Variants in CNDP1 observed in about 807,000 individuals in gnomAD.
The protein encoded by CNDP1 is beta-Ala-His dipeptidase.
CNDP1 carries 44 observed loss-of-function variants against 58.1 expected under a neutral mutation model. The ratio of observed to expected loss-of-function variants is 0.76; its 90% confidence interval spans 0.60 to 0.97. CNDP1 has a LOEUF of 0.97. Ranked by LOEUF, CNDP1 falls within the 50% of genes least tolerant of loss-of-function variation. The pLI, the probability that CNDP1 is intolerant of heterozygous loss-of-function variation, is 0.00. For missense variants in CNDP1, 616 were observed against 655.1 expected, an observed-to-expected ratio of 0.94 and a Z score of 0.65; for synonymous variants, 254 against 252.6, an observed-to-expected ratio of 1.01 and a Z score of -0.05.
chr18:74,539,550 G>T (rs1432732035), intron 1 of CNDP1, among the ~76,000 whole-genome samples: 12 of 152,186 alleles, frequency 7.9e-5, no homozygotes, highest in Admixed American at 7.9e-4. Flanking sequence ...TTCCCCACCT[G>T]CAGGATTCCT....
Position 74,576,918 on chromosome 18 carries a change from T to C in CNDP1, c.891T>C (p.Asp297=). 1.9e-6 allele frequency: 3 copies of C among 1,613,474 alleles called. No homozygotes were observed. The highest frequency in any genetic ancestry group is 2.5e-6 in the Non-Finnish European group (3 of 1,179,748). ...SGHILVPGIY[D]EVVPLTEEEI... is the part of the protein sequence containing the mutation. ...ATATCCTGGTCCCTGGAATCTATGA[T>C]GAAGTGGTTCCTCTTACAGAAGAGG... Residue 297 remains aspartate, a synonymous_variant, in exon 8 of 12, where the codon GAT becomes GAC. Coordinates refer to ENST00000358821, the MANE Select transcript of CNDP1 (RefSeq NM_032649.6).
intron 1 of CNDP1, among the ~76,000 whole-genome samples, chr18:74,544,132 G>A (rs145038949): frequency 0.013 from 2,001 of 152,168 alleles, 19 homozygotes; most frequent in Non-Finnish European, 0.021. Context: ...CACACCTGTA[G>A]TCCCAGCCAC....
chr18:74,540,535 C>T (rs1294014174), intron 1 of CNDP1, among the ~76,000 whole-genome samples: 1 of 152,148 alleles, frequency 6.6e-6, no homozygotes, highest in Non-Finnish European at 1.5e-5. Flanking sequence ...CTGTATGTGA[C>T]ATAAGAGGGA....
intron 4 of CNDP1, among the ~76,000 whole-genome samples, 164 bp downstream of exon 4, chr18:74,561,182 A>G (rs1981187533): frequency 6.6e-6 from 1 of 152,122 alleles, no homozygotes; most frequent in South Asian, 2.1e-4. Context: ...TGGGAAGCCA[A>G]GGTGGGTGGA....
In CNDP1 at chr18:74,586,467, TAA is replaced by T. The variant is rs1396747859; in HGVS notation, c.*1906_*1907del. On this transcript the variant is annotated 3_prime_UTR_variant, in exon 12 of 12. Coordinates refer to ENST00000358821, the MANE Select transcript of CNDP1 (RefSeq NM_032649.6). ...GAGTCTTCATGTTAGTCCATTAACA[TAA>T]GTTTATTATAAAATACACTGTAAGC... 1 of 152,224 alleles carries T rather than the reference TAA, an allele frequency of 6.6e-6. No individual in the cohort carries two copies. Among genetic ancestry groups the T allele is most frequent in the Non-Finnish European group, 1.5e-5 (1 of 68,040 alleles). The allele number at this position is 152,224 out of a possible 1,614,324, so 9.4% of individuals were successfully genotyped here. A position where few individuals can be genotyped will look rare whatever the true frequency, so the allele number is the denominator to read the frequency against.
At chr18:74,544,228 G>A (rs1330421053) in intron 1 of CNDP1, among the ~76,000 whole-genome samples, 4 of 152,136 alleles carry the variant, frequency 2.6e-5, no homozygotes, top group Admixed American at 6.5e-5. Flanking sequence ...CTCCAGCCTG[G>A]GCAACAGAGG....
rs891700721 is a variant in CNDP1 at position 74,585,725 on chromosome 18, T to A, written c.*1163T>A. ...AAACAAAGCAGAGGGCCAGGCGCGG[T>A]GGCTCATGCCCATAATCCCAGCACT... On this transcript the variant is annotated 3_prime_UTR_variant, in exon 12 of 12. Transcript: ENST00000358821. 6.6e-6 allele frequency: 1 copy of A among 152,146 alleles called. No homozygotes were observed. The highest frequency in any genetic ancestry group is 2.4e-5 in the African/African-American group (1 of 41,422). 9.4% of individuals were successfully genotyped at this position (152,146 alleles called of 1,614,324 possible).
intron 7 of CNDP1, among the ~76,000 whole-genome samples, chr18:74,574,247 T>C (rs1306881378): frequency 6.6e-6 from 1 of 152,256 alleles, no homozygotes; most frequent in Non-Finnish European, 1.5e-5. Context: ...GCGCCAGCTC[T>C]GTGAAATGCA....
Position 74,556,368 on chromosome 18 carries a change from C to T in CNDP1, c.55C>T (p.Leu19=). 1 of 1,614,140 alleles carries T rather than the reference C, an allele frequency of 6.2e-7. No individual in the cohort carries two copies. Among genetic ancestry groups the T allele is most frequent in the Non-Finnish European group, 8.5e-7 (1 of 1,180,034 alleles). The change falls in exon 2 of 12, where the codon CTG becomes TTG. Residue 19 remains leucine (L), a synonymous_variant. Transcript: ENST00000358821. ...GTCCCTGCTGGCTGTGCTGCTGCTGCTGCTGGAGCGCGGCATGTTCTCCTC... is the reference window on the plus strand; with the variant it reads ...GTCCCTGCTGGCTGTGCTGCTGCTGTTGCTGGAGCGCGGCATGTTCTCCTC... ...AASLLAVLLL[L]LERGMFSSPS... is the part of the protein sequence containing the mutation.
In CNDP1 at chr18:74,576,902, T is replaced by C; in HGVS notation, c.875T>C (p.Val292Ala). ...SLVDSSGHIL[V>A]PGIYDEVVPL... ...GTAGACTCGTCTGGTCATATCCTGG[T>C]CCCTGGAATCTATGATGAAGTGGTT... The change falls in exon 8 of 12, where the codon GTC (valine) becomes GCC (alanine). Residue 292 changes from valine to alanine, a missense_variant. Physicochemically the swap from Val to Ala is moderately conservative, Grantham distance 64. Coordinates refer to ENST00000358821, the MANE Select transcript of CNDP1 (RefSeq NM_032649.6). 1.9e-6 allele frequency: 3 copies of C among 1,613,340 alleles called. No homozygotes were observed. Among genetic ancestry groups the C allele is most frequent in the Non-Finnish European group, 2.5e-6 (3 of 1,179,734 alleles).
intron 11 of CNDP1, chr18:74,584,201 A>C: frequency 2.4e-6 from 1 of 416,078 alleles, no homozygotes; most frequent in Non-Finnish European, 4.4e-6. Context: ...AGCATCCCAG[A>C]CTACTGAGAA....
chr18:74,575,747 G>A (rs1451219891), intron 7 of CNDP1, among the ~76,000 whole-genome samples: 8 of 151,808 alleles, frequency 5.3e-5, no homozygotes, highest in Non-Finnish European at 7.4e-5. Context: ...GCGTGTGTGC[G>A]CGTGTGTGAA....
intron 7 of CNDP1, among the ~76,000 whole-genome samples, chr18:74,572,941 A>G (rs1339376447): frequency 2.0e-5 from 3 of 152,132 alleles, no homozygotes; most frequent in African/African-American, 7.2e-5. Context: ...CCATGGTACA[A>G]TCAGCCCAGA....
intron 7 of CNDP1, chr18:74,574,945 A>G (rs1400699810): frequency 6.8e-6 from 1 of 147,492 alleles, no homozygotes; most frequent in Non-Finnish European, 1.5e-5. Context: ...CCTGGGTGGC[A>G]GAGCAAGCTC....
chr18:74,566,800 A>G (rs1403381395), intron 5 of CNDP1, among the ~76,000 whole-genome samples: 1 of 152,160 alleles, frequency 6.6e-6, no homozygotes, highest in Admixed American at 6.5e-5. Context: ...GTTGCTTCCA[A>G]ATTTTTGGGT....
rs183319428 is a variant in CNDP1, at chr18:74,564,226, T to A, written c.555+2091T>A. ...TGCGGTGTCGTTTATCTGCTTGTAA[T>A]CACTTTTAGAGTTCTGCATGCATCC... On this transcript the variant is annotated intron_variant, in intron 5 of 11. Coordinates refer to ENST00000358821, the MANE Select transcript of CNDP1 (RefSeq NM_032649.6). Among the ~76,000 whole-genome samples, 75 of 152,324 alleles carry A rather than the reference T, an allele frequency of 4.9e-4. 1 individual carries two copies. The highest frequency in any genetic ancestry group is 1.8e-3 in the African/African-American group (73 of 41,576).
At chr18:74,584,357 C>T (rs536108815) in intron 11 of CNDP1, 139 bp from the exon 12 acceptor site, 1 of 630,736 alleles carries the variant, frequency 1.6e-6, no homozygotes, top group South Asian at 1.9e-5. Context: ...GCTTTTCATA[C>T]TGGGATCTCA....
At chr18:74,550,847 G>T (rs764524456) in intron 1 of CNDP1, among the ~76,000 whole-genome samples, 1 of 151,732 alleles carries the variant, frequency 6.6e-6, no homozygotes, top group Non-Finnish European at 1.5e-5. Context: ...TGATCCTCCT[G>T]CTTCAGCCTC....
intron 1 of CNDP1, among the ~76,000 whole-genome samples, chr18:74,550,981 C>T (rs1455637028): frequency 1.2e-4 from 18 of 152,066 alleles, no homozygotes; most frequent in Admixed American, 2.6e-4. Flanking sequence ...TACGTGTCCC[C>T]GCCTAACTCT....
Sources: allele counts gnomAD v4.1 joint callset (sites outside exome capture counted in the v4.1 genomes callset), GRCh38; gene constraint gnomAD v4.1.1; transcripts MANE v1.5; gene names NCBI Gene and HGNC (gene_info 2026-07-23, HGNC 2026-07-21).